Variants in MID2 observed in about 807,000 individuals in gnomAD.
The protein encoded by MID2 is midline 2.
A neutral mutation model predicts 46.1 loss-of-function variants in MID2; 13 were observed. That is an observed-to-expected ratio of 0.28 (90% CI 0.18 to 0.45). The LOEUF is 0.45. MID2 is among the 20% of genes least tolerant of loss of function. The pLI, the probability that MID2 is intolerant of heterozygous loss-of-function variation, is 1.00. For synonymous variants in MID2, 199 were observed against 212.3 expected (o/e 0.94, Z 0.55); for missense variants, 431 against 575.4 (o/e 0.75, Z 2.57).
At position 107,926,746 on chromosome X, in the gene MID2, C is replaced by T; in HGVS notation, c.1881C>T (p.Phe627=). ...GCAAGAATGCCTCCTCATGGGTCTTCTCTCGCTGCAATAGTAACTTCGTGG... is the reference window on the plus strand; with the variant it reads ...GCAAGAATGCCTCCTCATGGGTCTTTTCTCGCTGCAATAGTAACTTCGTGG... ...WIGKNASSWV[F]SRCNSNFVVR... Residue 627 remains phenylalanine (F), a synonymous_variant, in exon 10 of 10, where the codon TTC becomes TTT. Coordinates refer to ENST00000262843, the MANE Select transcript of MID2 (RefSeq NM_012216.4). The T allele has an allele frequency of 8.3e-7, 1 of 1,211,226 alleles. No individual in the cohort carries two copies. Among genetic ancestry groups the T allele is most frequent in the African/African-American group, 1.7e-5 (1 of 57,740 alleles).
intron 2 of MID2, among the ~76,000 whole-genome samples, chrX:107,850,165 G>A (rs996489258): frequency 1.0e-5 from 1 of 98,816 alleles, no homozygotes; most frequent in African/African-American, 4.5e-5. Flanking sequence ...AGAGATTTTA[G>A]ACACACACAT....
rs1045449098 is a variant in MID2, at chrX:107,927,406, T to C, written c.*333T>C. On this transcript the variant is annotated 3_prime_UTR_variant, in exon 10 of 10. Coordinates refer to ENST00000262843, the MANE Select transcript of MID2 (RefSeq NM_012216.4). ...AATTAGGGTAATTCTAGTTAAATAATGTGGAAAGGTGCCCTGAATAAGGAG... is the reference window on the plus strand; with the variant it reads ...AATTAGGGTAATTCTAGTTAAATAACGTGGAAAGGTGCCCTGAATAAGGAG... Among the ~76,000 whole-genome samples, 4 of 111,479 alleles carry C rather than the reference T, an allele frequency of 3.6e-5. No homozygotes were observed. The highest frequency in any genetic ancestry group is 1.3e-4 in the African/African-American group (4 of 30,645).
At chrX:107,869,666 A>G (rs1392785082) in intron 3 of MID2, among the ~76,000 whole-genome samples, 1 of 111,140 alleles carries the variant, frequency 9.0e-6, no homozygotes, top group Non-Finnish European at 1.9e-5. Context: ...TCAAATAGGT[A>G]CAGTACATTT....
intron 8 of MID2, among the ~76,000 whole-genome samples, chrX:107,925,590 C>T (rs1256048653): frequency 1.8e-5 from 2 of 111,539 alleles, no homozygotes; most frequent in Non-Finnish European, 3.8e-5. Flanking sequence ...CAGGGTTTTC[C>T]GGTTCTGCCA....
intron 5 of MID2, among the ~76,000 whole-genome samples, chrX:107,915,319 G>A (rs1286418357): frequency 8.9e-6 from 1 of 112,055 alleles, no homozygotes; most frequent in Admixed American, 9.4e-5. Context: ...CACTTTGGGA[G>A]GCCAAAACGG....
intron 3 of MID2, among the ~76,000 whole-genome samples, chrX:107,876,068 G>A (rs1932192567): frequency 1.8e-5 from 2 of 111,737 alleles, no homozygotes. Context: ...GGTCAAGGTG[G>A]CTTCCTCATG....
Position 107,825,973 on chromosome X carries a change from C to T in MID2, c.-454C>T, listed in dbSNP as rs977913242. On this transcript the variant is annotated 5_prime_UTR_variant, in exon 1 of 10. Coordinates refer to ENST00000262843, the MANE Select transcript of MID2 (RefSeq NM_012216.4). ...TGAGCCTGGGAAGGTGGCCGAGCAC[C>T]CCTTCTTCTTGGGCCCTTCCCAGTG... 2.6e-5 allele frequency: 7 copies of T among 270,728 alleles called. No homozygotes were observed. Among genetic ancestry groups the T allele is most frequent in the Admixed American group, 6.5e-5 (1 of 15,429 alleles). 22.3% of individuals were successfully genotyped at this position (270,728 alleles called of 1,213,427 possible). A position where few individuals can be genotyped will look rare whatever the true frequency, so the allele number is the denominator to read the frequency against.
intron 2 of MID2, among the ~76,000 whole-genome samples, chrX:107,845,525 A>ACTCTCTCTCTCTCTCTCTCTCTCTCT (rs766707051): frequency 4.4e-4 from 32 of 72,944 alleles, no homozygotes; most frequent in African/African-American, 2.3e-3. Flanking sequence ...ACACACACAC[A>ACTCTCTCTCTCTCTCTCTCTCTCTCT]CTCTCTCTCT....
intron 3 of MID2, among the ~76,000 whole-genome samples, chrX:107,890,121 C>T (rs1215496244): frequency 8.9e-6 from 1 of 112,348 alleles, no homozygotes; most frequent in East Asian, 2.8e-4. Flanking sequence ...CTCAACTCAT[C>T]AAATTCTTTC....
rs1933268915 is a variant in MID2, at chrX:107,930,807, C to G, written c.*3734C>G. Among the ~76,000 whole-genome samples, 2 of 112,456 alleles carry G rather than the reference C, an allele frequency of 1.8e-5. No homozygotes were observed. Among genetic ancestry groups the G allele is most frequent in the Non-Finnish European group, 3.8e-5 (2 of 53,254 alleles). On this transcript the variant is annotated 3_prime_UTR_variant, in exon 10 of 10. Coordinates refer to ENST00000262843, the MANE Select transcript of MID2 (RefSeq NM_012216.4). ...TGCATAAGCTTTTGTTGTTGTTGCTCTACTCAACCTGTTCTCCACAACTGT... is the reference window on the plus strand; with the variant it reads ...TGCATAAGCTTTTGTTGTTGTTGCTGTACTCAACCTGTTCTCCACAACTGT...
chrX:107,891,881 C>T (rs766128535), intron 3 of MID2, among the ~76,000 whole-genome samples: 1 of 111,603 alleles, frequency 9.0e-6, no homozygotes, highest in Non-Finnish European at 1.9e-5. Flanking sequence ...TACTTGGGCC[C>T]TTGCTTCTTC....
chrX:107,847,645 T>C (rs1465874576), intron 2 of MID2, among the ~76,000 whole-genome samples: 2 of 111,906 alleles, frequency 1.8e-5, no homozygotes, highest in Admixed American at 9.5e-5. Context: ...TTGAGTCTGA[T>C]GTGATTGTGG....
rs1393665429 is a variant in MID2 at position 107,845,521 on chromosome X, A to ACTCT, written c.720+4137_720+4138insTCTC. Among the ~76,000 whole-genome samples, 217 of 85,641 alleles carry ACTCT rather than the reference A, an allele frequency of 2.5e-3. 2 individuals are homozygous for ACTCT. Among genetic ancestry groups the ACTCT allele is most frequent in the African/African-American group, 0.011 (140 of 12,336 alleles). 74.4% of individuals were successfully genotyped at this position (85,641 alleles called of 115,157 possible). ...CACACACACACACACACACACACAC[A>ACTCT]CACACTCTCTCTCTCTCTCTCTCTC... On this transcript the variant is annotated intron_variant, in intron 2 of 9. Transcript: ENST00000262843.
At chrX:107,869,036 G>A (rs1932013986) in intron 3 of MID2, among the ~76,000 whole-genome samples, 1 of 109,340 alleles carries the variant, frequency 9.1e-6, no homozygotes, top group South Asian at 4.0e-4. Context: ...ATGGCTTCTG[G>A]TTTTTCTGGC....
chrX:107,861,346 G>A (rs1391774988), intron 3 of MID2, among the ~76,000 whole-genome samples: 3 of 111,606 alleles, frequency 2.7e-5, no homozygotes, highest in African/African-American at 6.5e-5. Flanking sequence ...AGGGCTGGGC[G>A]CGGTGACTCA....
chrX:107,829,818 C>T (rs5962410), intron 1 of MID2, among the ~76,000 whole-genome samples: 33,089 of 111,273 alleles, frequency 0.3, 6,799 homozygotes, highest in African/African-American at 0.75. Flanking sequence ...TGGCATGTTG[C>T]ACCCTGCAAG....
intron 3 of MID2, among the ~76,000 whole-genome samples, chrX:107,869,683 T>C (rs1009327687): frequency 9.0e-6 from 1 of 111,494 alleles, no homozygotes; most frequent in Non-Finnish European, 1.9e-5. Flanking sequence ...ATTTTTTTGT[T>C]GTTGTTGATT....
intron 3 of MID2, among the ~76,000 whole-genome samples, chrX:107,900,598 CT>C (rs1417307098): frequency 9.0e-6 from 1 of 110,948 alleles, no homozygotes; most frequent in East Asian, 2.8e-4. Context: ...CTTACCTTTC[CT>C]CCCCTCAAAA....
intron 5 of MID2, among the ~76,000 whole-genome samples, chrX:107,907,797 T>C (rs1932848883): frequency 8.9e-6 from 1 of 112,277 alleles, no homozygotes; most frequent in African/African-American, 3.2e-5. Context: ...TGTGCATAGT[T>C]AGAAAGTAAA....
Sources: gnomAD v4.1 joint callset for allele counts (sites outside exome capture counted in the v4.1 genomes callset) on GRCh38, gnomAD v4.1.1 for gene constraint, MANE v1.5 for transcripts, NCBI Gene and HGNC (gene_info 2026-07-23, HGNC 2026-07-21) for gene names.